MED15: variants seen among roughly 807,000 people sequenced by gnomAD.
MED15 encodes the protein mediator complex subunit 15.
MED15 carries 41 observed loss-of-function variants against 118.7 expected under a neutral mutation model. The observed-to-expected ratio is 0.35, with a 90% CI of 0.27 to 0.45. The LOEUF (loss-of-function observed/expected upper bound fraction) is 0.45, where lower values mean the gene tolerates loss of function less well. Among genes scored for constraint, MED15 ranks in the 20% least tolerant of loss-of-function variants. MED15 has a pLI of 1.00. For missense variants in MED15, 740 were observed against 1,025.5 expected, an observed-to-expected ratio of 0.72 and a Z score of 3.80; for synonymous variants, 436 against 413.9, an observed-to-expected ratio of 1.05 and a Z score of -0.65.
At chr22:20,529,975 C>T in intron 1 of MED15, among the ~76,000 whole-genome samples, 1 of 152,078 alleles carries the variant, frequency 6.6e-6, no homozygotes. Context: ...CCACCTACCT[C>T]CGCCTCCCAG....
chr22:20,578,948 C>T (rs901712109), intron 9 of MED15, among the ~76,000 whole-genome samples: 7 of 152,352 alleles, frequency 4.6e-5, no homozygotes, highest in African/African-American at 9.6e-5. Context: ...CTTCCTGTTA[C>T]GGTGGGCATG....
At chr22:20,527,209 T>G (rs2054675883) in intron 1 of MED15, among the ~76,000 whole-genome samples, 1 of 152,172 alleles carries the variant, frequency 6.6e-6, no homozygotes, top group Non-Finnish European at 1.5e-5. Flanking sequence ...TGTTTAATGT[T>G]CACTCTTTGG....
At chr22:20,521,406 G>GT (rs1201936291) in intron 1 of MED15, among the ~76,000 whole-genome samples, 18 of 146,784 alleles carry the variant, frequency 1.2e-4, no homozygotes, top group Non-Finnish European at 1.9e-4. Context: ...CTGTGTTTTT[G>GT]TTTTTTTTGA....
rs1601625245 is a variant in MED15, at chr22:20,575,170, A to G, written c.1210A>G (p.Thr404Ala). 6.2e-7 allele frequency: 1 copy of G among 1,614,178 alleles called. No individual in the cohort carries two copies. Among genetic ancestry groups the G allele is most frequent in the Non-Finnish European group, 8.5e-7 (1 of 1,180,032 alleles). The change falls in exon 9 of 18, where the codon ACC (threonine) becomes GCC (alanine). Residue 404 changes from threonine to alanine, a missense_variant. Physicochemically the swap from Thr to Ala is moderately conservative, Grantham distance 58 (BLOSUM62 0). Coordinates refer to ENST00000263205, the MANE Select transcript of MED15 (RefSeq NM_001003891.3). ...GMHIRARFPP[T>A]TAVSAIPSSS... is the part of the protein sequence containing the mutation. ...GCACATAAGAGCCCGGTTCCCGCCT[A>G]CCACCGCTGTGTCCGCCATCCCGTC...
chr22:20,548,905 C>CA, intron 2 of MED15, among the ~76,000 whole-genome samples: 1 of 152,318 alleles, frequency 6.6e-6, no homozygotes, highest in East Asian at 1.9e-4. Flanking sequence ...CTCCCAGGCT[C>CA]AAGCCTCAGC....
intron 9 of MED15, among the ~76,000 whole-genome samples, chr22:20,579,952 T>A (rs5759416): frequency 0.06 from 9,201 of 152,186 alleles, 660 homozygotes; most frequent in East Asian, 0.38. Context: ...GCCTCCCTAA[T>A]GCCAGTTGTG....
intron 1 of MED15, among the ~76,000 whole-genome samples, chr22:20,519,632 T>C (rs1038894308): frequency 6.6e-6 from 1 of 152,114 alleles, no homozygotes; most frequent in East Asian, 1.9e-4. Context: ...TTTTTGTATT[T>C]TTATTAGAGA....
intron 1 of MED15, among the ~76,000 whole-genome samples, chr22:20,532,514 T>C (rs2054899216): frequency 6.6e-6 from 1 of 152,152 alleles, no homozygotes; most frequent in Non-Finnish European, 1.5e-5. Context: ...GAACCCTGAC[T>C]GAGTACACAG....
intron 5 of MED15, among the ~76,000 whole-genome samples, chr22:20,559,405 G>A (rs923842521): frequency 2.0e-5 from 3 of 152,194 alleles, no homozygotes; most frequent in Non-Finnish European, 4.4e-5. Context: ...CATGGAAAAT[G>A]TGAAAGCAAG....
intron 8 of MED15, 152 bp from the exon 9 acceptor site, chr22:20,574,961 G>T (rs993765410): frequency 2.0e-6 from 2 of 1,015,918 alleles, no homozygotes; most frequent in Non-Finnish European, 2.9e-6. Context: ...TGAACATGTG[G>T]GTGGCCTCCC....
chr22:20,527,452 CG>C (rs148371154), intron 1 of MED15, among the ~76,000 whole-genome samples: 1,535 of 147,174 alleles, frequency 0.01, 19 homozygotes, highest in African/African-American at 0.03. Flanking sequence ...TAAATTCTAC[CG>C]TTTTTTTTGA....
chr22:20,579,205 CCT>C (rs1319707022), intron 9 of MED15, among the ~76,000 whole-genome samples: 1 of 152,208 alleles, frequency 6.6e-6, no homozygotes, highest in Non-Finnish European at 1.5e-5. Context: ...TTCTTTCTCG[CCT>C]CTCTGGCTGC....
At chr22:20,542,085 G>A (rs1165876774) in intron 2 of MED15, among the ~76,000 whole-genome samples, 3 of 152,210 alleles carry the variant, frequency 2.0e-5, no homozygotes, top group African/African-American at 7.2e-5. Context: ...GTGAGCCACC[G>A]TGCCTGGCAG....
chr22:20,565,178 G>T (rs1157693233), intron 6 of MED15, among the ~76,000 whole-genome samples: 1 of 152,194 alleles, frequency 6.6e-6, no homozygotes, highest in Non-Finnish European at 1.5e-5. Context: ...AGGAGAAACA[G>T]GCCCTGACTC....
intron 5 of MED15, among the ~76,000 whole-genome samples, chr22:20,561,558 A>C (rs1187124586): frequency 6.6e-6 from 1 of 152,116 alleles, no homozygotes; most frequent in Non-Finnish European, 1.5e-5. Flanking sequence ...TTAATAGAAA[A>C]TAAGTTTAAA....
chr22:20,546,140 T>C (rs2055526910), intron 2 of MED15, among the ~76,000 whole-genome samples: 1 of 152,152 alleles, frequency 6.6e-6, no homozygotes. Context: ...GAGGGTCTTT[T>C]CTCCCCTCTG....
intron 2 of MED15, among the ~76,000 whole-genome samples, chr22:20,545,109 G>T (rs1024925923): frequency 2.6e-5 from 4 of 152,288 alleles, no homozygotes; most frequent in Non-Finnish European, 4.4e-5. Context: ...TATTTAGCCT[G>T]CCACAGACAG....
intron 13 of MED15, chr22:20,583,944 C>G (rs1218065780): frequency 4.1e-6 from 1 of 246,796 alleles, no homozygotes; most frequent in Non-Finnish European, 8.0e-6. Flanking sequence ...CACCTCAACT[C>G]AGGCTATCCC....
At chr22:20,570,172 G>A (rs928939194) in intron 8 of MED15, among the ~76,000 whole-genome samples, 5 of 151,726 alleles carry the variant, frequency 3.3e-5, no homozygotes, top group African/African-American at 9.7e-5. Context: ...CTACAGGCGC[G>A]TGCCATCACA....
Sources: gnomAD v4.1 joint callset for allele counts (sites outside exome capture counted in the v4.1 genomes callset) on GRCh38, gnomAD v4.1.1 for gene constraint, MANE v1.5 for transcripts, NCBI Gene and HGNC (gene_info 2026-07-23, HGNC 2026-07-21) for gene names.